ASF1A: variants seen among roughly 807,000 people sequenced by gnomAD.
ASF1A encodes the protein histone chaperone ASF1A.
Under a neutral mutation model 22.0 loss-of-function variants are expected in ASF1A, and 5 were observed. The ratio of observed to expected loss-of-function variants is 0.23; its 90% CI spans 0.12 to 0.48. ASF1A has a LOEUF of 0.48. ASF1A is among the 20% of genes least tolerant of loss of function. ASF1A has a pLI of 0.99. For missense variants in ASF1A, 137 were observed against 240.6 expected (o/e 0.57, Z 2.85); for synonymous variants, 97 against 86.7 (o/e 1.12, Z -0.66).
chr6:118,894,575 A>C, intron 1 of ASF1A, 53 bp downstream of exon 1: 1 of 1,438,130 alleles, frequency 7.0e-7, no homozygotes, highest in Non-Finnish European at 9.5e-7. Context: ...GCAGACGTTG[A>C]AAGTTTCCCG....
chr6:118,906,230 G>A (rs1359385161), intron 3 of ASF1A, among the ~76,000 whole-genome samples: 1 of 151,968 alleles, frequency 6.6e-6, no homozygotes, highest in African/African-American at 2.4e-5. Flanking sequence ...ATACCAACAC[G>A]CCCAGATAAT....
At chr6:118,904,788 A>G (rs961241191) in intron 2 of ASF1A, among the ~76,000 whole-genome samples, 11 of 152,244 alleles carry the variant, frequency 7.2e-5, no homozygotes, top group Non-Finnish European at 1.3e-4. Flanking sequence ...ATAGAGGATT[A>G]TTAATATTTT....
At chr6:118,905,866 A>G (rs979336823) in intron 3 of ASF1A, 38 bp downstream of exon 3, 38 of 1,468,258 alleles carry the variant, frequency 2.6e-5, no homozygotes, top group Non-Finnish European at 3.5e-5. Flanking sequence ...TACTTTTACT[A>G]TGCAATTTTT....
rs1173283041 is a variant in ASF1A at position 118,907,799 on chromosome 6, A to T, written c.*185A>T. ...AATATAAATACAACTATTTTTAAGT[A>T]ATTTTTTTCTCTAATGTGTTATTTT... is the stretch of plus-strand genomic sequence containing the variant. On this transcript the variant is annotated 3_prime_UTR_variant, in exon 4 of 4. Transcript: ENST00000229595. The T allele has an allele frequency of 1.9e-6, 1 of 526,444 alleles. No homozygotes were observed. Among genetic ancestry groups the T allele is most frequent in the Non-Finnish European group, 3.3e-6 (1 of 299,454 alleles). 32.6% of individuals were successfully genotyped at this position (526,444 alleles called of 1,614,324 possible).
chr6:118,905,263 TGAG>T (rs1273737319), intron 2 of ASF1A, among the ~76,000 whole-genome samples: 1 of 152,238 alleles, frequency 6.6e-6, no homozygotes, highest in African/African-American at 2.4e-5. Context: ...CAACAGTCTA[TGAG>T]GAGATCATTT....
chr6:118,898,638 G>A (rs1008974692), intron 1 of ASF1A, among the ~76,000 whole-genome samples: 8 of 152,016 alleles, frequency 5.3e-5, no homozygotes, highest in African/African-American at 1.4e-4. Context: ...GGCTGGTCTC[G>A]AACTCCTGAC....
At chr6:118,901,522 G>C (rs1467726078) in intron 2 of ASF1A, among the ~76,000 whole-genome samples, 1 of 152,098 alleles carries the variant, frequency 6.6e-6, no homozygotes, top group East Asian at 1.9e-4. Context: ...AGAATTTCTA[G>C]TAATAAAAAT....
intron 2 of ASF1A, among the ~76,000 whole-genome samples, chr6:118,905,413 C>T (rs1180729880): frequency 6.6e-6 from 1 of 152,170 alleles, no homozygotes; most frequent in Non-Finnish European, 1.5e-5. Flanking sequence ...CTTCCTTTTA[C>T]AAGTGTAGTC....
Position 118,894,299 on chromosome 6 carries a change from CACG to C in ASF1A, c.-111_-109del. ...AAAAAAGTTTCTCAAGTCGCCGCTG[CACG>C]ACGTCTGGCCGGCGCTGGAGCGGGG... On this transcript the variant is annotated 5_prime_UTR_variant, in exon 1 of 4. Coordinates refer to ENST00000229595, the MANE Select transcript of ASF1A (RefSeq NM_014034.3). 6.7e-7 allele frequency: 1 copy of C among 1,489,832 alleles called. No homozygotes were observed. Among genetic ancestry groups the C allele is most frequent in the Non-Finnish European group, 8.9e-7 (1 of 1,124,296 alleles). The allele number at this position is 1,489,832 out of a possible 1,614,324, so 92.3% of individuals were successfully genotyped here.
Position 118,900,011 on chromosome 6 carries a change from T to C in ASF1A, c.110-755T>C, listed in dbSNP as rs1033837192. On this transcript the variant is annotated intron_variant, in intron 1 of 3. Transcript: ENST00000229595. ...ACTTCACAGAACACATTGTAAAACA[T>C]GCTCAGTAAAATCCGCTATATTGAA... Among the ~76,000 whole-genome samples, 8 of 152,352 alleles carry C rather than the reference T, an allele frequency of 5.3e-5. 1 individual carries two copies. In the South Asian group the frequency reaches 1.7e-3, roughly 32 times the overall value.
intron 2 of ASF1A, among the ~76,000 whole-genome samples, chr6:118,901,721 T>C (rs1779808505): frequency 6.6e-6 from 1 of 152,234 alleles, no homozygotes; most frequent in South Asian, 2.1e-4. Context: ...TAACTAGCCA[T>C]AGGTTTTTTA....
chr6:118,902,678 G>A (rs1167427593), intron 2 of ASF1A, among the ~76,000 whole-genome samples: 1 of 152,108 alleles, frequency 6.6e-6, no homozygotes, highest in Non-Finnish European at 1.5e-5. Context: ...GTATTCAAAA[G>A]TATTTCCTGC....
rs1403371012 is a variant in ASF1A, at chr6:118,908,452, C to CT, written c.*842dup. 1 of 151,988 alleles carries CT rather than the reference C, an allele frequency of 6.6e-6. No individual in the cohort carries two copies. The highest frequency in any genetic ancestry group is 6.6e-5 in the Admixed American group (1 of 15,262). The allele number at this position is 151,988 out of a possible 1,614,324, so 9.4% of individuals were successfully genotyped here. On this transcript the variant is annotated 3_prime_UTR_variant, in exon 4 of 4. Transcript: ENST00000229595. ...AAAAATACCATGACCTTTAAAAATT[C>CT]TTTTAATAGATCATGTTATTGGCAG...
chr6:118,907,352 G>C (rs1780250419), intron 3 of ASF1A, 50 bp from the exon 4 acceptor site: 1 of 1,311,812 alleles, frequency 7.6e-7, no homozygotes. Context: ...TGTATATGGT[G>C]ATTTAACTTT....
In ASF1A at chr6:118,894,201, G is replaced by T; in HGVS notation, c.-213G>T. On this transcript the variant is annotated 5_prime_UTR_variant, in exon 1 of 4. Coordinates refer to ENST00000229595, the MANE Select transcript of ASF1A (RefSeq NM_014034.3). Reference sequence around the variant, plus strand: ...GGCAACGCTGCTACTTATCAGAGCAGAATGGGCTGTAGTTTAGTGAAATAG... The same window carrying T: ...GGCAACGCTGCTACTTATCAGAGCATAATGGGCTGTAGTTTAGTGAAATAG... 1 of 1,382,442 alleles carries T rather than the reference G, an allele frequency of 7.2e-7. No homozygotes were observed. Among genetic ancestry groups the T allele is most frequent in the African/African-American group, 1.5e-5 (1 of 68,170 alleles). The allele number at this position is 1,382,442 out of a possible 1,614,324, so 85.6% of individuals were successfully genotyped here. A position where few individuals can be genotyped will look rare whatever the true frequency, so the allele number is the denominator to read the frequency against.
intron 1 of ASF1A, among the ~76,000 whole-genome samples, chr6:118,895,701 C>G (rs1361301716): frequency 6.6e-6 from 1 of 152,028 alleles, no homozygotes; most frequent in East Asian, 1.9e-4. Flanking sequence ...TTATCTTTTA[C>G]TAAAGTAATT....
intron 1 of ASF1A, 90 bp downstream of exon 1, chr6:118,894,612 G>C: frequency 1.7e-6 from 2 of 1,169,244 alleles, no homozygotes; most frequent in Non-Finnish European, 1.2e-6. Flanking sequence ...GGGCGGCTGT[G>C]TTCGGCGCCT....
At position 118,907,509 on chromosome 6, in the gene ASF1A, A is replaced by G; in HGVS notation, c.510A>G (p.Leu170=). 15 of 1,613,610 alleles carry G rather than the reference A, an allele frequency of 9.3e-6. No homozygotes were observed. The highest frequency in any genetic ancestry group is 1.3e-5 in the Non-Finnish European group (15 of 1,179,640). ...LEDAESSNPN[L]QSLLSTDALP... Reference sequence around the variant, plus strand: ...ATGCAGAGAGCAGTAATCCAAATCTACAGTCACTTCTTTCAACAGATGCAT... The same window carrying G: ...ATGCAGAGAGCAGTAATCCAAATCTGCAGTCACTTCTTTCAACAGATGCAT... The change falls in exon 4 of 4, where the codon CTA becomes CTG. Residue 170 remains leucine (L), a synonymous_variant. Transcript: ENST00000229595.
At chr6:118,899,384 C>G (rs1779655030) in intron 1 of ASF1A, among the ~76,000 whole-genome samples, 1 of 152,174 alleles carries the variant, frequency 6.6e-6, no homozygotes, top group Non-Finnish European at 1.5e-5. Flanking sequence ...TCCTTCCTTT[C>G]ATTCTGCTCC....
Sources: allele counts gnomAD v4.1 joint callset (sites outside exome capture counted in the v4.1 genomes callset), GRCh38; gene constraint gnomAD v4.1.1; transcripts MANE v1.5; gene names NCBI Gene and HGNC (gene_info 2026-07-23, HGNC 2026-07-21).